FRMD8: variants seen among roughly 807,000 people sequenced by gnomAD.
FRMD8 encodes the protein FERM domain containing 8, also known as FERM domain-containing protein 8.
In FRMD8, 37 loss-of-function variants were observed where a neutral mutation model predicts 54.2. The observed-to-expected ratio is 0.68, with a 90% CI of 0.53 to 0.90. The LOEUF (loss-of-function observed/expected upper bound fraction) is 0.90. Ranked by LOEUF, FRMD8 falls within the 40% of genes least tolerant of loss-of-function variation. The pLI, the probability that FRMD8 is intolerant of heterozygous loss-of-function variation, is 0.00. For missense variants in FRMD8, 585 were observed against 653.7 expected (o/e 0.89, Z 1.15); for synonymous variants, 246 against 286.9 (o/e 0.86, Z 1.44).
chr11:65,379,382 G>A, the FRMD8 span: 12 of 1,608,948 alleles, frequency 7.5e-6, no homozygotes, highest in Non-Finnish European at 9.3e-6. Context: ...TCACCTGCAG[G>A]AACCCCCCGG....
the FRMD8 span, chr11:65,380,501 G>A: frequency 1.6e-5 from 22 of 1,383,100 alleles, no homozygotes; most frequent in African/African-American, 5.8e-5. Flanking sequence ...CCTATGAGCC[G>A]CGGGACTCTG....
At chr11:65,379,957 C>T in the FRMD8 span, 1 of 1,614,002 alleles carries the variant, frequency 6.2e-7, no homozygotes, top group South Asian at 1.1e-5. Flanking sequence ...GAGGACAGAG[C>T]AGGTAGGGTG....
At chr11:65,382,210 C>T (rs1279051202), upstream of FRMD8, 22 of 544,074 alleles carry the variant, frequency 4.0e-5, no homozygotes, top group Non-Finnish European at 6.0e-5. This position sits in a 1 kb window ranked among gnomAD's most constrained non-coding sequence, Gnocchi z 4.4. Flanking sequence ...CCCTGATCCC[C>T]GAGCCCGGCC....
intron 10 of FRMD8, among the ~76,000 whole-genome samples, chr11:65,406,528 C>T (rs1856201078): frequency 6.6e-6 from 1 of 151,252 alleles, no homozygotes; most frequent in African/African-American, 2.4e-5. Context: ...TGGGGTTTCA[C>T]CGTGTTAGCC....
chr11:65,404,944 G>C lies in FRMD8; in HGVS notation c.1152G>C (p.Ala384=), dbSNP rs570873728. 8.7e-6 allele frequency: 14 copies of C among 1,613,254 alleles called. No homozygotes were observed. In the East Asian group the frequency reaches 2.7e-4, roughly 31 times the overall value. Reference sequence around the variant, plus strand: ...AGCCCGCAGGCCCCCAGGACAGTGCGACTGGCTCGCCCTCGGACCCCAGCT... The same window carrying C: ...AGCCCGCAGGCCCCCAGGACAGTGCCACTGGCTCGCCCTCGGACCCCAGCT... ...AAEPAGPQDS[A]TGSPSDPSSS... is the part of the protein sequence containing the mutation. Residue 384 remains alanine, a synonymous_variant, in exon 10 of 11, where the codon GCG becomes GCC. Transcript: ENST00000317568. The surrounding 1 kb of genome is among the most constrained non-coding windows in gnomAD (Gnocchi z 4.7).
At chr11:65,403,101 C>T (rs1481874117) in intron 9 of FRMD8, among the ~76,000 whole-genome samples, 1 of 152,176 alleles carries the variant, frequency 6.6e-6, no homozygotes, top group Non-Finnish European at 1.5e-5. Context: ...TAATCTTGAA[C>T]TCCTGGGCTC....
At chr11:65,382,020 C>G (rs1855593329), upstream of FRMD8, 4 of 1,315,816 alleles carry the variant, frequency 3.0e-6, no homozygotes, top group Admixed American at 1.7e-5. The surrounding 1 kb of genome is among the most constrained non-coding windows in gnomAD (Gnocchi z 4.4). Flanking sequence ...TCTCCCTCCC[C>G]TGGCCCACGC....
Position 65,411,513 on chromosome 11 carries a change from G to A in FRMD8, c.*153G>A. On this transcript the variant is annotated 3_prime_UTR_variant, in exon 11 of 11. Coordinates refer to ENST00000317568, the MANE Select transcript of FRMD8 (RefSeq NM_031904.5). ...TCAGACCACGGAGAAGTGACTTTTG[G>A]GCCCGGGGCCATGCCCGGGCTGTGC... 3.7e-6 allele frequency: 2 copies of A among 543,740 alleles called. No individual in the cohort carries two copies. Among genetic ancestry groups the A allele is most frequent in the South Asian group, 5.0e-5 (2 of 40,398 alleles). 33.7% of individuals were successfully genotyped at this position (543,740 alleles called of 1,614,324 possible).
At chr11:65,378,420 G>T in the FRMD8 span, 22 of 152,318 alleles carry the variant, frequency 1.4e-4, 1 homozygote, top group Admixed American at 1.4e-3. Context: ...CCCCACTTCT[G>T]CTTTCCAAAG....
the FRMD8 span, chr11:65,376,934 C>A: frequency 6.2e-7 from 1 of 1,613,238 alleles, no homozygotes; most frequent in Non-Finnish European, 8.5e-7. Flanking sequence ...GAACAGCCCC[C>A]GGGGCCCCTC....
upstream of FRMD8, among the ~76,000 whole-genome samples, chr11:65,384,801 C>G (rs1468569956): frequency 6.6e-6 from 1 of 152,206 alleles, no homozygotes; most frequent in Admixed American, 6.5e-5. Flanking sequence ...TGAGCTCACA[C>G]TCCTGGGCTC....
In FRMD8 at chr11:65,398,128, A is replaced by G. The variant is rs112960046; in HGVS notation, c.803+1108A>G. On this transcript the variant is annotated intron_variant, in intron 7 of 10. Transcript: ENST00000317568. Reference sequence around the variant, plus strand: ...TCACCTCAGGTGATCCGCCTGCCTCAGCCTCCCAAAGTGCTGGGAGCCACC... The same window carrying G: ...TCACCTCAGGTGATCCGCCTGCCTCGGCCTCCCAAAGTGCTGGGAGCCACC... Among the ~76,000 whole-genome samples, 33 of 152,132 alleles carry G rather than the reference A, an allele frequency of 2.2e-4. 1 individual carries two copies. The highest frequency in any genetic ancestry group is 7.2e-4 in the African/African-American group (30 of 41,474).
chr11:65,401,730 A>C (rs1361549188), intron 9 of FRMD8, among the ~76,000 whole-genome samples: 88 of 61,020 alleles, frequency 1.4e-3, no homozygotes, highest in Admixed American at 3.3e-3. Context: ...GCTGCTCCCC[A>C]TTTTCCTGGC....
At chr11:65,405,347 C>T (rs983882170) in intron 10 of FRMD8, among the ~76,000 whole-genome samples, 8 of 152,178 alleles carry the variant, frequency 5.3e-5, no homozygotes, top group African/African-American at 1.2e-4. Flanking sequence ...GTAGGTGGGG[C>T]GCGGTGGCTC....
chr11:65,382,007 C>A, upstream of FRMD8: 1 of 1,436,884 alleles, frequency 7.0e-7, no homozygotes, highest in Non-Finnish European at 9.8e-7. This position sits in a 1 kb window ranked among gnomAD's most constrained non-coding sequence, Gnocchi z 4.4. Flanking sequence ...TTGAATTCCC[C>A]CCTCTCCCTC....
At position 65,400,983 on chromosome 11, in the gene FRMD8, G is replaced by A. The variant is rs559433967; in HGVS notation, c.1071+116G>A. Reference sequence around the variant, plus strand: ...GGAGGTGAGAAGCTGCCTTGGGCCTGAGGATGAAAGCGGCCTGGGCACAAG... The same window carrying A: ...GGAGGTGAGAAGCTGCCTTGGGCCTAAGGATGAAAGCGGCCTGGGCACAAG... On this transcript the variant is annotated intron_variant, in intron 9 of 10. Coordinates refer to ENST00000317568, the MANE Select transcript of FRMD8 (RefSeq NM_031904.5). The surrounding 1 kb of genome is among the most constrained non-coding windows in gnomAD (Gnocchi z 4.3). The A allele has an allele frequency of 1.7e-6, 2 of 1,207,440 alleles. No homozygotes were observed. The highest frequency in any genetic ancestry group is 3.0e-5 in the African/African-American group (2 of 65,706). The allele number at this position is 1,207,440 out of a possible 1,614,324, so 74.8% of individuals were successfully genotyped here. A position where few individuals can be genotyped will look rare whatever the true frequency, so the allele number is the denominator to read the frequency against.
At chr11:65,392,893 G>A (rs1337018971) in intron 3 of FRMD8, among the ~76,000 whole-genome samples, 1 of 152,162 alleles carries the variant, frequency 6.6e-6, no homozygotes, top group East Asian at 1.9e-4. Flanking sequence ...GAGGATCTGG[G>A]GCAAAGGAGT....
chr11:65,411,408 C>A lies in FRMD8; in HGVS notation c.*48C>A. On this transcript the variant is annotated 3_prime_UTR_variant, in exon 11 of 11. Coordinates refer to ENST00000317568, the MANE Select transcript of FRMD8 (RefSeq NM_031904.5). Reference sequence around the variant, plus strand: ...AGGGCGACTGGGGGCCCTGGCCCGGCACTGTCCTCCTGAGGGGCAGGCGCC... The same window carrying A: ...AGGGCGACTGGGGGCCCTGGCCCGGAACTGTCCTCCTGAGGGGCAGGCGCC... 7.7e-7 allele frequency: 1 copy of A among 1,301,130 alleles called. No individual in the cohort carries two copies. The highest frequency in any genetic ancestry group is 1.1e-6 in the Non-Finnish European group (1 of 947,728). 80.6% of individuals were successfully genotyped at this position (1,301,130 alleles called of 1,614,324 possible).
intron 3 of FRMD8, among the ~76,000 whole-genome samples, chr11:65,390,691 C>T (rs1372372591): frequency 2.0e-5 from 3 of 152,294 alleles, no homozygotes; most frequent in Non-Finnish European, 2.9e-5. Context: ...CTCCGGGCCT[C>T]GAGTCAGGAC....
Sources: gnomAD v4.1 joint callset for allele counts (sites outside exome capture counted in the v4.1 genomes callset) on GRCh38, gnomAD v4.1.1 for gene constraint, Gnocchi (gnomAD v3.1) non-coding constraint, MANE v1.5 for transcripts, NCBI Gene and HGNC (gene_info 2026-07-23, HGNC 2026-07-21) for gene names.